The following KMT2C variants were observed in gnomAD, a reference collection of about 807,000 sequenced individuals.
The protein encoded by KMT2C is histone-lysine N-methyltransferase 2C.
In KMT2C, 88 loss-of-function variants were observed where a neutral mutation model predicts 507.9. The ratio of observed to expected loss-of-function variants is 0.17; its 90% CI spans 0.15 to 0.21. The LOEUF is 0.21. Among genes scored for constraint, KMT2C ranks in the 10% least tolerant of loss-of-function variants. The probability of loss-of-function intolerance (pLI) is 1.00; values close to 1 mark genes in which losing one functional copy is unlikely to be tolerated. For synonymous variants in KMT2C, 2,049 were observed against 2,080.8 expected (o/e 0.98, Z 0.42); for missense variants, 4,954 against 5,957.8 (o/e 0.83, Z 5.55).
intron 48 of KMT2C, 43 bp from the exon 49 acceptor site, chr7:152,152,997 A>G: frequency 6.2e-7 from 1 of 1,601,328 alleles, no homozygotes; most frequent in Non-Finnish European, 8.5e-7. Flanking sequence ...CCAGAAGGCA[A>G]CAGTGAACCA....
In KMT2C at chr7:152,415,466, C is replaced by A. The variant is rs539315437; in HGVS notation, c.161+20160G>T. Among the ~76,000 whole-genome samples the A allele has an allele frequency of 7.2e-5, 11 of 152,166 alleles. No individual in the cohort carries two copies. The East Asian group carries it at 2.1e-3, about 29-fold the overall frequency. ...CTATACAATGAAATGAGGTGAAATT[C>A]TTAGAGCAAATATGTCATACAACAA... On this transcript the variant is annotated intron_variant, in intron 1 of 58. Transcript: ENST00000262189.
At chr7:152,321,377 T>C (rs2096771880) in intron 3 of KMT2C, among the ~76,000 whole-genome samples, 1 of 151,604 alleles carries the variant, frequency 6.6e-6, no homozygotes, top group Non-Finnish European at 1.5e-5. Flanking sequence ...AAATATAAAA[T>C]ACTGAATATA....
rs2092506367 is a variant in KMT2C at position 152,162,451 on chromosome 7, A to C, written c.11126T>G (p.Met3709Arg). ...YANSEVDKLS[M>R]ETPAKTEEIK... The stretch of plus-strand genomic sequence containing the variant: ...CTCTTCTGTTTTGGCAGGGGTTTCC[A>C]TGGAGAGCTTGTCTACTTCTGAATT... The change falls in exon 43 of 59, where the codon ATG (methionine) becomes AGG (arginine). Residue 3709 changes from methionine to arginine, a missense_variant. Around this residue, in one of 29 missense-constraint regions of KMT2C, gnomAD observed 801 missense variants for 751.2 expected, o/e 1.07. Transcript: ENST00000262189. The C allele has an allele frequency of 3.1e-6, 5 of 1,614,210 alleles. No homozygotes were observed. Among genetic ancestry groups the C allele is most frequent in the Non-Finnish European group, 4.2e-6 (5 of 1,180,040 alleles).
chr7:152,260,612 G>GA (rs144520702), intron 9 of KMT2C, among the ~76,000 whole-genome samples: 1 of 151,802 alleles, frequency 6.6e-6, no homozygotes, highest in Non-Finnish European at 1.5e-5. Flanking sequence ...AGCATAAACT[G>GA]AAAAAACTGA....
chr7:152,369,926 A>G (rs1311488037), intron 1 of KMT2C, among the ~76,000 whole-genome samples: 4 of 152,310 alleles, frequency 2.6e-5, no homozygotes, highest in Non-Finnish European at 2.9e-5. Flanking sequence ...TAAAATGACA[A>G]TAAGGTTGGG....
At position 152,194,448 on chromosome 7, in the gene KMT2C, A is replaced by C; in HGVS notation, c.4499T>G (p.Val1500Gly). 3.1e-6 allele frequency: 5 copies of C among 1,613,412 alleles called. No individual in the cohort carries two copies. The highest frequency in any genetic ancestry group is 4.2e-6 in the Non-Finnish European group (5 of 1,179,566). Reference sequence around the variant, plus strand: ...TAGGGCAAATATTTTACCATCTGTGACCATTTTGTCTAGTTCAGGACTGAG... The same window carrying C: ...TAGGGCAAATATTTTACCATCTGTGCCCATTTTGTCTAGTTCAGGACTGAG... ...GILSPELDKM[V>G]TDGAILGKLY... Residue 1500 changes from valine to glycine, a missense_variant, in exon 29 of 59, where the codon GTC becomes GGC. Transcript: ENST00000262189.
intron 1 of KMT2C, chr7:152,367,137 T>A (rs1266579717): frequency 1.7e-6 from 2 of 1,155,374 alleles, no homozygotes; most frequent in Non-Finnish European, 2.5e-6. Context: ...CCTAGAAATC[T>A]AGCACTGGAG....
At chr7:152,282,484 A>G (rs1310413249) in intron 6 of KMT2C, among the ~76,000 whole-genome samples, 7 of 152,254 alleles carry the variant, frequency 4.6e-5, no homozygotes, top group Non-Finnish European at 8.8e-5. Context: ...TCTTAACAAC[A>G]GAATACTATA....
At chr7:152,215,370 C>T (rs1466578772) in intron 23 of KMT2C, among the ~76,000 whole-genome samples, 3 of 151,344 alleles carry the variant, frequency 2.0e-5, no homozygotes, top group Admixed American at 6.6e-5. Context: ...AAAAATTAGC[C>T]GGGCGTGGTG....
chr7:152,153,723 G>A (rs1413788915), intron 48 of KMT2C, among the ~76,000 whole-genome samples: 3 of 131,448 alleles, frequency 2.3e-5, no homozygotes, highest in African/African-American at 3.4e-5. Context: ...AGGAGACTGT[G>A]TCTCTATTAA....
chr7:152,309,416 T>C (rs940261061), intron 6 of KMT2C, among the ~76,000 whole-genome samples: 5 of 149,880 alleles, frequency 3.3e-5, no homozygotes, highest in Admixed American at 1.3e-4. Flanking sequence ...CTCAATCTAC[T>C]GGACTCAAGC....
At position 152,271,674 on chromosome 7, in the gene KMT2C, A is replaced by AG. The variant is rs1491520172; in HGVS notation, c.1012+2030_1012+2031insC. 1.8e-3 allele frequency among the ~76,000 whole-genome samples: 176 copies of AG among 97,092 alleles called. 1 individual carries two copies. Among genetic ancestry groups the AG allele is most frequent in the African/African-American group, 9.6e-3 (167 of 17,350 alleles). 63.7% of individuals were successfully genotyped at this position (97,092 alleles called of 152,430 possible). On this transcript the variant is annotated intron_variant, in intron 7 of 58. Coordinates refer to ENST00000262189, the MANE Select transcript of KMT2C (RefSeq NM_170606.3). ...GAGTGACAGTGCGAGACTCCATCTC[A>AG]AAAAAAAAAAAAAAAAAAAAACCCC...
At chr7:152,231,943 A>G (rs1250189625) in intron 16 of KMT2C, among the ~76,000 whole-genome samples, 3 of 151,472 alleles carry the variant, frequency 2.0e-5, no homozygotes, top group East Asian at 3.9e-4. Flanking sequence ...GCAGTGGTGC[A>G]GTCTCGGCTC....
intron 9 of KMT2C, among the ~76,000 whole-genome samples, chr7:152,255,118 T>TATATATATATAC (rs1376700102): frequency 1.0e-5 from 1 of 97,748 alleles, no homozygotes; most frequent in Non-Finnish European, 1.8e-5. Flanking sequence ...CTTATATATA[T>TATATATATATAC]ATATATATAT....
intron 1 of KMT2C, among the ~76,000 whole-genome samples, chr7:152,426,556 G>C (rs1424171705): frequency 6.6e-6 from 1 of 151,868 alleles, no homozygotes; most frequent in East Asian, 1.9e-4. Flanking sequence ...GGCATTTTTG[G>C]AGTGAGTTTG....
intron 6 of KMT2C, among the ~76,000 whole-genome samples, chr7:152,282,009 T>C (rs2096221924): frequency 6.6e-6 from 1 of 151,190 alleles, no homozygotes; most frequent in East Asian, 2.0e-4. Context: ...AAATAACATA[T>C]GGACAGGCAC....
At chr7:152,314,556 A>T (rs1457513312) in intron 4 of KMT2C, among the ~76,000 whole-genome samples, 3 of 146,140 alleles carry the variant, frequency 2.1e-5, no homozygotes, top group Admixed American at 2.0e-4. Context: ...AAAAGAAAAA[A>T]GCATCTTCTG....
intron 39 of KMT2C, among the ~76,000 whole-genome samples, chr7:152,171,811 T>G (rs1404357996): frequency 6.6e-6 from 1 of 152,286 alleles, no homozygotes; most frequent in Non-Finnish European, 1.5e-5. Flanking sequence ...TATTTTATAT[T>G]CTAAAACAAA....
intron 13 of KMT2C, among the ~76,000 whole-genome samples, chr7:152,249,328 T>C (rs1389987485): frequency 6.7e-6 from 1 of 148,968 alleles, no homozygotes; most frequent in Admixed American, 6.7e-5. Flanking sequence ...TGGTTTTTTT[T>C]TTTTTTTTTT....
Sources: allele counts gnomAD v4.1 joint callset (sites outside exome capture counted in the v4.1 genomes callset), GRCh38; gene constraint gnomAD v4.1.1; regional missense constraint gnomAD v4.1.1; transcripts MANE v1.5; gene names NCBI Gene and HGNC (gene_info 2026-07-23, HGNC 2026-07-21).